Variants in DENND4C observed in about 807,000 individuals in gnomAD.
DENND4C encodes DENN domain containing 4C, also known as DENN domain-containing protein 4C.
A neutral mutation model predicts 203.0 loss-of-function variants in DENND4C; 108 were observed. That is an observed-to-expected ratio of 0.53 (90% CI 0.46 to 0.62). DENND4C has a LOEUF of 0.62. Ranked by LOEUF, DENND4C falls within the 20% of genes least tolerant of loss-of-function variation. The pLI, the probability that DENND4C is intolerant of heterozygous loss-of-function variation, is 0.00. For missense variants in DENND4C, 2,481 were observed against 2,301.2 expected (o/e 1.08, Z -1.60); for synonymous variants, 871 against 792.4 (o/e 1.10, Z -1.67).
intron 1 of DENND4C, among the ~76,000 whole-genome samples, chr9:19,245,478 A>AC (rs1564081098): frequency 6.6e-6 from 1 of 151,144 alleles, no homozygotes; most frequent in Non-Finnish European, 1.5e-5. Context: ...AAAAAAAAAA[A>AC]ATGTGTTCCA....
At chr9:19,275,904 G>T (rs1167211518) in intron 1 of DENND4C, among the ~76,000 whole-genome samples, 1 of 152,116 alleles carries the variant, frequency 6.6e-6, no homozygotes, top group Non-Finnish European at 1.5e-5. Context: ...ATCGCGCCCG[G>T]CCCCAGTTTA....
intron 26 of DENND4C, among the ~76,000 whole-genome samples, chr9:19,355,364 C>G (rs550310073): frequency 1.3e-5 from 2 of 152,202 alleles, no homozygotes; most frequent in African/African-American, 4.8e-5. Flanking sequence ...TAAAGTTGTT[C>G]CCTATCCCTA....
chr9:19,342,382 C>G (rs1347432907), intron 21 of DENND4C, among the ~76,000 whole-genome samples: 2 of 152,134 alleles, frequency 1.3e-5, no homozygotes, highest in Non-Finnish European at 2.9e-5. Context: ...AGGCCAGAGA[C>G]TTAATTGATT....
intron 26 of DENND4C, 106 bp from the exon 27 acceptor site, chr9:19,356,866 A>G: frequency 9.2e-7 from 1 of 1,092,776 alleles, no homozygotes. Flanking sequence ...ATTATATATA[A>G]TTTTATTAAT....
chr9:19,340,785 A>C (rs1323331392), intron 20 of DENND4C, among the ~76,000 whole-genome samples: 1 of 152,136 alleles, frequency 6.6e-6, no homozygotes, highest in Non-Finnish European at 1.5e-5. Flanking sequence ...AGTGCTTCCA[A>C]ATGTGTTTAG....
chr9:19,301,674 C>T (rs1249932312), intron 9 of DENND4C, among the ~76,000 whole-genome samples: 1 of 152,214 alleles, frequency 6.6e-6, no homozygotes, highest in Non-Finnish European at 1.5e-5. Flanking sequence ...CAGTGTGGCA[C>T]ACACCTGTAA....
chr9:19,332,067 A>G lies in DENND4C; in HGVS notation c.2343A>G (p.Leu781=). 1.9e-6 allele frequency: 3 copies of G among 1,614,016 alleles called. No homozygotes were observed. Among genetic ancestry groups the G allele is most frequent in the Non-Finnish European group, 2.5e-6 (3 of 1,179,960 alleles). The change falls in exon 17 of 33, where the codon TTA becomes TTG. Residue 781 remains leucine (L), a synonymous_variant. Transcript: ENST00000434457. ...GTCTGTTTAGTCATTGTTACAGTTT[A>G]TGGTTTATTTGTCTTCCGGCCTATG... ...AKCLFSHCYS[L]WFICLPAYVR...
chr9:19,275,031 C>T (rs140051261), intron 1 of DENND4C, among the ~76,000 whole-genome samples: 302 of 152,292 alleles, frequency 2.0e-3, no homozygotes, highest in African/African-American at 6.8e-3. Flanking sequence ...GGCTGGAGTG[C>T]AGTGGCACGA....
At chr9:19,362,070 T>TG in intron 30 of DENND4C, 107 bp downstream of exon 30, 1 of 607,850 alleles carries the variant, frequency 1.6e-6, no homozygotes, top group East Asian at 3.1e-5. Flanking sequence ...GGTCAGGAGT[T>TG]GGAGACCAGG....
chr9:19,277,023 G>A (rs960944105), intron 2 of DENND4C, among the ~76,000 whole-genome samples: 1 of 151,824 alleles, frequency 6.6e-6, no homozygotes, highest in Non-Finnish European at 1.5e-5. Context: ...TTTTGTAAAT[G>A]CCTACAAAGG....
intron 30 of DENND4C, among the ~76,000 whole-genome samples, chr9:19,363,444 G>A (rs1253931636): frequency 1.3e-5 from 2 of 152,006 alleles, no homozygotes; most frequent in African/African-American, 4.8e-5. Context: ...CCCGGGAGGC[G>A]GAGGTTGCAG....
In DENND4C at chr9:19,358,269, T is replaced by C; in HGVS notation, c.5160+109T>C. On this transcript the variant is annotated intron_variant, in intron 28 of 32. Transcript: ENST00000434457. The surrounding 1 kb of genome is among the most constrained non-coding windows in gnomAD (Gnocchi z 4.8). ...CTTATTTTAATTACATGAAAAGTGA[T>C]AGAGTTTTTCCATAAACAAATAACT... The C allele has an allele frequency of 1.1e-6, 1 of 926,072 alleles. No homozygotes were observed. The highest frequency in any genetic ancestry group is 2.9e-5 in the South Asian group (1 of 34,780). 57.4% of individuals were successfully genotyped at this position (926,072 alleles called of 1,614,324 possible).
Position 19,341,041 on chromosome 9 carries a change from T to C in DENND4C, c.2931T>C (p.Asp977=). 3 of 1,613,264 alleles carry C rather than the reference T, an allele frequency of 1.9e-6. No homozygotes were observed. Among genetic ancestry groups the C allele is most frequent in the Non-Finnish European group, 2.5e-6 (3 of 1,179,618 alleles). ...GGTCTAAGGATGAACTTATAAAGGA[T>C]GATGCAGAAATTCATGTGCCTGAAG... is the stretch of plus-strand genomic sequence containing the variant. ...GYGSKDELIK[D]DAEIHVPEEQ... is the part of the protein sequence containing the mutation. The change falls in exon 21 of 33, where the codon GAT becomes GAC. Residue 977 remains aspartate (D), a synonymous_variant. Coordinates refer to ENST00000434457, the MANE Select transcript of DENND4C (RefSeq NM_001330640.2).
At chr9:19,368,504 A>G (rs1828148452) in intron 30 of DENND4C, among the ~76,000 whole-genome samples, 1 of 152,152 alleles carries the variant, frequency 6.6e-6, no homozygotes, top group African/African-American at 2.4e-5. Context: ...ACAGGTAAAG[A>G]TTATTCTCTC....
rs1352902623 is a variant in DENND4C, at chr9:19,286,701, T to C, written c.306-68T>C. On this transcript the variant is annotated intron_variant, in intron 2 of 32. Transcript: ENST00000434457. The stretch of plus-strand genomic sequence containing the variant: ...GCATTAACCTGAAATGCATGTACTA[T>C]ATATATGTACATATGTATGTGTGTA... 4 of 1,197,918 alleles carry C rather than the reference T, an allele frequency of 3.3e-6. No individual in the cohort carries two copies. In the African/African-American group the frequency reaches 4.7e-5, roughly 14 times the overall value. The allele number at this position is 1,197,918 out of a possible 1,614,324, so 74.2% of individuals were successfully genotyped here.
chr9:19,340,453 T>C (rs577971228), intron 20 of DENND4C, among the ~76,000 whole-genome samples: 1 of 152,070 alleles, frequency 6.6e-6, no homozygotes, highest in African/African-American at 2.4e-5. Flanking sequence ...GTTGCACCCC[T>C]TCTATCTTAC....
chr9:19,267,463 T>C (rs547836311), intron 1 of DENND4C, among the ~76,000 whole-genome samples: 17 of 152,370 alleles, frequency 1.1e-4, no homozygotes, highest in African/African-American at 4.1e-4. Flanking sequence ...AATATCTTTT[T>C]TGACCCCTTT....
chr9:19,334,464 A>G (rs892241011), intron 17 of DENND4C, among the ~76,000 whole-genome samples: 2 of 151,732 alleles, frequency 1.3e-5, no homozygotes, highest in African/African-American at 4.9e-5. Context: ...TATGTCTTAT[A>G]TGAAATGGTT....
rs1186111 is a variant in DENND4C, at chr9:19,289,658, G to A, written c.628+993G>A. On this transcript the variant is annotated intron_variant, in intron 4 of 32. Coordinates refer to ENST00000434457, the MANE Select transcript of DENND4C (RefSeq NM_001330640.2). ...AGCCTGGCCAACATGGTGAAACCCC[G>A]TCTCTACTAAAAATACAAAAATTAG... Among the ~76,000 whole-genome samples the A allele has an allele frequency of 3.2e-4, 49 of 151,874 alleles. No homozygotes were observed. In the East Asian group the frequency reaches 8.2e-3, roughly 25 times the overall value.
Sources: gnomAD v4.1 joint callset for allele counts (sites outside exome capture counted in the v4.1 genomes callset) on GRCh38, gnomAD v4.1.1 for gene constraint, Gnocchi (gnomAD v3.1) non-coding constraint, MANE v1.5 for transcripts, NCBI Gene and HGNC (gene_info 2026-07-23, HGNC 2026-07-21) for gene names.